The following GLDN variants were observed in gnomAD, a reference collection of about 807,000 sequenced individuals.
GLDN encodes the protein collomin.
Under a neutral mutation model 56.5 loss-of-function variants are expected in GLDN, and 47 were observed. The ratio of observed to expected loss-of-function variants is 0.83; its 90% confidence interval spans 0.66 to 1.06. The LOEUF (loss-of-function observed/expected upper bound fraction) is 1.06, where lower values mean the gene tolerates loss of function less well. Ranked by LOEUF, GLDN falls within the 50% of genes least tolerant of loss-of-function variation. The pLI is 0.00. For synonymous variants in GLDN, 332 were observed against 278.8 expected (o/e 1.19, Z -1.90); for missense variants, 782 against 714.3 (o/e 1.09, Z -1.08).
chr15:51,357,302 C>T (rs988183035), intron 1 of GLDN, among the ~76,000 whole-genome samples: 1 of 152,194 alleles, frequency 6.6e-6, no homozygotes, highest in Non-Finnish European at 1.5e-5. Flanking sequence ...TTCCTTGAAG[C>T]CTGTGAGACC....
At chr15:51,374,324 T>A (rs1169699002) in intron 1 of GLDN, among the ~76,000 whole-genome samples, 1 of 152,214 alleles carries the variant, frequency 6.6e-6, no homozygotes, top group East Asian at 1.9e-4. Context: ...AATGGGCAAT[T>A]ACACATTTTT....
intron 1 of GLDN, among the ~76,000 whole-genome samples, chr15:51,359,844 T>G (rs951624049): frequency 6.6e-6 from 1 of 151,748 alleles, no homozygotes; most frequent in Non-Finnish European, 1.5e-5. Flanking sequence ...CCAGGCATGG[T>G]GGCAGGCACC....
downstream of GLDN, among the ~76,000 whole-genome samples, chr15:51,412,489 A>G (rs566931374): frequency 6.6e-6 from 1 of 152,050 alleles, no homozygotes; most frequent in East Asian, 1.9e-4. Flanking sequence ...CTGTATTTCT[A>G]TTTTCACCCT....
intron 1 of GLDN, among the ~76,000 whole-genome samples, chr15:51,366,928 GATTGAC>G (rs1475676959): frequency 1.3e-5 from 2 of 152,158 alleles, no homozygotes; most frequent in Admixed American, 6.5e-5. Context: ...AGAATTAATT[GATTGAC>G]ATTTAAATCA....
intron 2 of GLDN, among the ~76,000 whole-genome samples, chr15:51,381,457 C>G (rs989497318): frequency 2.0e-5 from 3 of 152,160 alleles, no homozygotes; most frequent in African/African-American, 4.8e-5. Context: ...TGTACTGACC[C>G]TAGAGAATGT....
intron 4 of GLDN, among the ~76,000 whole-genome samples, chr15:51,387,313 T>C (rs921364574): frequency 6.6e-6 from 1 of 152,122 alleles, no homozygotes; most frequent in African/African-American, 2.4e-5. Context: ...CCATCTTTGG[T>C]GGAGAGGCCA....
Position 51,387,213 on chromosome 15 carries a change from G to A in GLDN, c.541+3321G>A, listed in dbSNP as rs78652060. ...AGCAGCAAGACGAGCACCAGGAGAG[G>A]GTGGGGACGTTCATCAACAAATACT... On this transcript the variant is annotated intron_variant, in intron 4 of 9. Coordinates refer to ENST00000335449, the MANE Select transcript of GLDN (RefSeq NM_181789.4). Among the ~76,000 whole-genome samples the A allele has an allele frequency of 4.8e-3, 732 of 152,256 alleles. 6 individuals carry two copies. The highest frequency in any genetic ancestry group is 0.017 in the African/African-American group (713 of 41,538).
intron 6 of GLDN, 95 bp from the exon 7 acceptor site, chr15:51,400,097 T>C (rs1460643127): frequency 9.6e-7 from 1 of 1,046,618 alleles, no homozygotes; most frequent in Non-Finnish European, 1.5e-6. Flanking sequence ...GAGACTAGAG[T>C]CTGGAATGAG....
intron 1 of GLDN, among the ~76,000 whole-genome samples, chr15:51,355,956 C>G (rs1053269542): frequency 6.6e-6 from 1 of 150,704 alleles, no homozygotes; most frequent in Non-Finnish European, 1.5e-5. Context: ...GCCTGTAATC[C>G]CAACACTTTG....
rs1466152373 is a variant in GLDN, at chr15:51,406,645, A to G, written c.*1891A>G. 3.9e-5 allele frequency: 6 copies of G among 152,208 alleles called. No homozygotes were observed. Among genetic ancestry groups the G allele is most frequent in the Non-Finnish European group, 8.8e-5 (6 of 68,044 alleles). 9.4% of individuals were successfully genotyped at this position (152,208 alleles called of 1,614,324 possible). On this transcript the variant is annotated 3_prime_UTR_variant, in exon 10 of 10. Transcript: ENST00000335449. ...AGATCCCATCTCTAAAAAATAAAAT[A>G]TAAGAAAATAAAACTTAGGGGATAT...
intron 1 of GLDN, among the ~76,000 whole-genome samples, chr15:51,358,816 C>A (rs1158634760): frequency 2.6e-5 from 4 of 152,160 alleles, no homozygotes; most frequent in Admixed American, 1.3e-4. Flanking sequence ...CACCACCTGG[C>A]CACAATAGCC....
chr15:51,375,444 A>G (rs1475355891), intron 1 of GLDN, among the ~76,000 whole-genome samples: 1 of 152,220 alleles, frequency 6.6e-6, no homozygotes, highest in Non-Finnish European at 1.5e-5. Flanking sequence ...GAACAAAAGT[A>G]TGTTATATGT....
intron 5 of GLDN, among the ~76,000 whole-genome samples, chr15:51,395,357 A>C (rs1421602337): frequency 6.6e-6 from 1 of 152,186 alleles, no homozygotes; most frequent in African/African-American, 2.4e-5. Context: ...TTCACTGATG[A>C]GGTTGAGCCA....
chr15:51,402,047 G>A (rs1165832625), intron 9 of GLDN, among the ~76,000 whole-genome samples: 1 of 152,222 alleles, frequency 6.6e-6, no homozygotes, highest in African/African-American at 2.4e-5. Flanking sequence ...TGAGAGAGAA[G>A]CAGCCCGAAC....
chr15:51,411,988 T>A (rs150882127), downstream of GLDN, among the ~76,000 whole-genome samples: 94 of 152,342 alleles, frequency 6.2e-4, no homozygotes, highest in African/African-American at 2.1e-3. Flanking sequence ...TTTACTTTAC[T>A]TTCTCCAAAG....
chr15:51,362,567 T>C (rs1406593683), intron 1 of GLDN, among the ~76,000 whole-genome samples: 1 of 151,578 alleles, frequency 6.6e-6, no homozygotes, highest in Non-Finnish European at 1.5e-5. Flanking sequence ...AAGAGACCAG[T>C]TCATGTAGAG....
Position 51,404,548 on chromosome 15 carries a change from G to A in GLDN, c.1450G>A (p.Val484Ile), listed in dbSNP as rs1472889728. Residue 484 changes from valine (V) to isoleucine (I), a missense_variant, in exon 10 of 10, where the codon GTC (valine) becomes ATC (isoleucine). Coordinates refer to ENST00000335449, the MANE Select transcript of GLDN (RefSeq NM_181789.4). ...NAFIARGILY[V>I]TDTKDMRVTF... ...CTTCATTGCCCGAGGAATCCTCTAT[G>A]TCACAGACACCAAAGATATGAGGGT... 6.2e-7 allele frequency: 1 copy of A among 1,614,036 alleles called. No homozygotes were observed. The highest frequency in any genetic ancestry group is 8.5e-7 in the Non-Finnish European group (1 of 1,180,046).
At chr15:51,347,728 A>G (rs1006745699) in intron 1 of GLDN, among the ~76,000 whole-genome samples, 1 of 152,242 alleles carries the variant, frequency 6.6e-6, no homozygotes, top group Non-Finnish European at 1.5e-5. Flanking sequence ...TTTATCACCT[A>G]TGAATGACAT....
chr15:51,357,126 G>A (rs1200035339), intron 1 of GLDN, among the ~76,000 whole-genome samples: 1 of 152,212 alleles, frequency 6.6e-6, no homozygotes, highest in Non-Finnish European at 1.5e-5. Context: ...ATATTTGACT[G>A]TAGTTGGGCA....
Sources: gnomAD v4.1 joint callset for allele counts (sites outside exome capture counted in the v4.1 genomes callset) on GRCh38, gnomAD v4.1.1 for gene constraint, MANE v1.5 for transcripts, NCBI Gene and HGNC (gene_info 2026-07-23, HGNC 2026-07-21) for gene names.